WDFY3: variants seen among roughly 807,000 people sequenced by gnomAD.
WDFY3 encodes WD repeat and FYVE domain containing 3, also known as WD repeat and FYVE domain-containing protein 3.
A neutral mutation model predicts 409.6 loss-of-function variants in WDFY3; 66 were observed. The observed-to-expected ratio is 0.16, with a 90% CI of 0.13 to 0.20. The LOEUF is 0.20. Ranked by LOEUF, WDFY3 falls within the 10% of genes least tolerant of loss-of-function variation. WDFY3 has a pLI of 1.00. For synonymous variants in WDFY3, 1,521 were observed against 1,537.1 expected (o/e 0.99, Z 0.25); for missense variants, 3,031 against 4,298.1 (o/e 0.71, Z 8.24).
intron 2 of WDFY3, among the ~76,000 whole-genome samples, chr4:84,931,165 T>C (rs746088712): frequency 4.6e-5 from 7 of 152,180 alleles, no homozygotes; most frequent in Non-Finnish European, 7.4e-5. Context: ...CCCTCTCTGA[T>C]AAGGGGAGAC....
At chr4:84,695,880 A>C in intron 58 of WDFY3, 90 bp downstream of exon 58, 1 of 1,218,050 alleles carries the variant, frequency 8.2e-7, no homozygotes, top group Non-Finnish European at 1.2e-6. Context: ...AAGTTAATCT[A>C]AACTTAATTA....
intron 26 of WDFY3, 63 bp from the exon 27 acceptor site, chr4:84,778,718 C>A: frequency 6.6e-7 from 1 of 1,509,314 alleles, no homozygotes; most frequent in South Asian, 1.3e-5. Context: ...TACACACACA[C>A]AAACACACAC....
chr4:84,828,093 G>C (rs998615033), intron 9 of WDFY3, among the ~76,000 whole-genome samples: 8 of 150,816 alleles, frequency 5.3e-5, no homozygotes, highest in Admixed American at 1.3e-4. Flanking sequence ...GAGGGAGGGA[G>C]GGAGGAAGGG....
chr4:84,835,373 A>G (rs534005465), intron 7 of WDFY3, among the ~76,000 whole-genome samples: 1 of 152,298 alleles, frequency 6.6e-6, no homozygotes, highest in South Asian at 2.1e-4. Context: ...TTACTCCTTC[A>G]TTTATTCCCA....
intron 13 of WDFY3, among the ~76,000 whole-genome samples, chr4:84,814,289 T>C (rs571852587): frequency 1.3e-5 from 2 of 152,298 alleles, no homozygotes; most frequent in South Asian, 2.1e-4. Flanking sequence ...TTATCTACCA[T>C]TTATTTGCCT....
At chr4:84,887,487 A>G (rs1161500500) in intron 3 of WDFY3, among the ~76,000 whole-genome samples, 1 of 152,190 alleles carries the variant, frequency 6.6e-6, no homozygotes, top group African/African-American at 2.4e-5. Context: ...AGGGGACAGC[A>G]TCAGTAATTA....
At chr4:84,736,518 G>T (rs1313642907) in intron 41 of WDFY3, among the ~76,000 whole-genome samples, 191 bp from the exon 42 acceptor site, 1 of 149,334 alleles carries the variant, frequency 6.7e-6, no homozygotes, top group Non-Finnish European at 1.5e-5. Context: ...CTCGCAAATT[G>T]TATTAGCTGA....
At chr4:84,688,704 G>T (rs980842490) in intron 61 of WDFY3, among the ~76,000 whole-genome samples, 3 of 151,146 alleles carry the variant, frequency 2.0e-5, no homozygotes, top group Non-Finnish European at 1.5e-5. Flanking sequence ...AATTACAATT[G>T]AATGAATTTT....
At chr4:84,937,574 G>A (rs1771586498) in intron 1 of WDFY3, among the ~76,000 whole-genome samples, 1 of 152,072 alleles carries the variant, frequency 6.6e-6, no homozygotes, top group African/African-American at 2.4e-5. Flanking sequence ...TTCTACCCTT[G>A]TCCTATTTTC....
intron 24 of WDFY3, among the ~76,000 whole-genome samples, chr4:84,785,181 T>G (rs1248209128): frequency 6.6e-6 from 1 of 152,066 alleles, no homozygotes; most frequent in Non-Finnish European, 1.5e-5. Flanking sequence ...AATTGCCCCA[T>G]GAATCCTAAA....
chr4:84,689,252 T>C (rs1728847566), intron 61 of WDFY3, among the ~76,000 whole-genome samples: 1 of 152,208 alleles, frequency 6.6e-6, no homozygotes, highest in Non-Finnish European at 1.5e-5. Context: ...TGTATACACA[T>C]GAAGTATATA....
chr4:84,888,577 A>G (rs1029577243), intron 3 of WDFY3, among the ~76,000 whole-genome samples: 1 of 152,224 alleles, frequency 6.6e-6, no homozygotes, highest in Non-Finnish European at 1.5e-5. Context: ...CTCAGGTTCC[A>G]TAAAGTTTTT....
chr4:84,931,486 G>A (rs562249330), intron 2 of WDFY3, among the ~76,000 whole-genome samples: 7 of 152,140 alleles, frequency 4.6e-5, no homozygotes, highest in Non-Finnish European at 8.8e-5. Context: ...ATGATAGCTA[G>A]TTCCCAAAGA....
At chr4:84,782,852 G>T in intron 25 of WDFY3, 111 bp downstream of exon 25, 1 of 847,338 alleles carries the variant, frequency 1.2e-6, no homozygotes, top group Non-Finnish European at 1.9e-6. Context: ...GTACACTATA[G>T]GTCAGTGCTA....
intron 57 of WDFY3, 52 bp from the exon 58 acceptor site, chr4:84,696,234 A>C: frequency 6.4e-7 from 1 of 1,566,388 alleles, no homozygotes; most frequent in Non-Finnish European, 8.7e-7. Flanking sequence ...TTACTTGCTC[A>C]GAGACTAGAA....
At chr4:84,963,449 GAAAA>G (rs796700725) in intron 1 of WDFY3, among the ~76,000 whole-genome samples, 2 of 143,158 alleles carry the variant, frequency 1.4e-5, no homozygotes, top group Admixed American at 1.4e-4. Flanking sequence ...AAAAGGTCAA[GAAAA>G]AAAAAAGAAG....
At chr4:84,688,585 T>C (rs1728717491) in intron 61 of WDFY3, among the ~76,000 whole-genome samples, 1 of 152,212 alleles carries the variant, frequency 6.6e-6, no homozygotes, top group South Asian at 2.1e-4. Flanking sequence ...TGGGTTTCTT[T>C]ATACCATTTT....
At chr4:84,833,716 C>G (rs115535122) in intron 7 of WDFY3, among the ~76,000 whole-genome samples, 22,388 of 149,794 alleles carry the variant, frequency 0.15, 1,992 homozygotes, top group African/African-American at 0.26. Context: ...GAGAACAGAA[C>G]AGAAGAGAAC....
chr4:84,771,653 T>C (rs1268450220), intron 30 of WDFY3, among the ~76,000 whole-genome samples: 3 of 152,190 alleles, frequency 2.0e-5, no homozygotes, highest in Non-Finnish European at 4.4e-5. Context: ...GATAAATTTC[T>C]TTTACTTGTA....
Sources: gnomAD v4.1 joint callset for allele counts (sites outside exome capture counted in the v4.1 genomes callset) on GRCh38, gnomAD v4.1.1 for gene constraint, MANE v1.5 for transcripts, NCBI Gene and HGNC (gene_info 2026-07-23, HGNC 2026-07-21) for gene names.